The following SEMA3D variants were observed in gnomAD, a reference collection of about 807,000 sequenced individuals.
SEMA3D encodes semaphorin-3D.
A neutral mutation model predicts 100.1 loss-of-function variants in SEMA3D; 84 were observed. The observed-to-expected ratio is 0.84, with a 90% CI of 0.70 to 1.01. SEMA3D has a LOEUF of 1.01. Ranked by LOEUF, SEMA3D falls within the 50% of genes least tolerant of loss-of-function variation. SEMA3D has a pLI of 0.00. For missense variants in SEMA3D, 875 were observed against 934.1 expected (o/e 0.94, Z 0.82); for synonymous variants, 312 against 320.7 (o/e 0.97, Z 0.29).
chr7:85,245,779 C>T, the SEMA3D span, among the ~76,000 whole-genome samples: 2 of 152,004 alleles, frequency 1.3e-5, no homozygotes, highest in South Asian at 4.1e-4. Flanking sequence ...CTCATTATAT[C>T]TTCTCTTAGT....
chr7:85,097,716 T>C (rs1304183727), intron 4 of SEMA3D, 89 bp downstream of exon 4: 13 of 741,958 alleles, frequency 1.8e-5, no homozygotes, highest in Middle Eastern at 4.0e-4. Context: ...TTTGACACTG[T>C]GTCCCTTAAA....
chr7:85,005,686 T>C (rs965090070), intron 18 of SEMA3D, among the ~76,000 whole-genome samples: 1 of 151,970 alleles, frequency 6.6e-6, no homozygotes, highest in Admixed American at 6.6e-5. Context: ...AGATTTTTCT[T>C]TTACTGTGAG....
the SEMA3D span, among the ~76,000 whole-genome samples, chr7:85,230,386 T>C: frequency 1.3e-5 from 2 of 152,216 alleles, no homozygotes; most frequent in Non-Finnish European, 1.5e-5. Flanking sequence ...AGCTGCACTT[T>C]GGATTCAGTG....
chr7:85,056,096 G>A (rs892211091), intron 8 of SEMA3D, among the ~76,000 whole-genome samples: 2 of 152,016 alleles, frequency 1.3e-5, no homozygotes, highest in Non-Finnish European at 2.9e-5. Context: ...GTGAGAACAT[G>A]ACTAGACTAA....
chr7:85,055,678 ATATATATG>A, intron 9 of SEMA3D, 31 bp downstream of exon 9: 1 of 228,268 alleles, frequency 4.4e-6, no homozygotes. Context: ...ATATATATAT[ATATATATG>A]TTTTAAGTAA....
At chr7:85,073,932 G>T (rs1363871277) in intron 5 of SEMA3D, among the ~76,000 whole-genome samples, 1 of 152,068 alleles carries the variant, frequency 6.6e-6, no homozygotes, top group Non-Finnish European at 1.5e-5. Context: ...ATTATCTTTA[G>T]AACTTAATTA....
At chr7:85,027,401 A>G (rs181158881) in intron 12 of SEMA3D, among the ~76,000 whole-genome samples, 3 of 151,998 alleles carry the variant, frequency 2.0e-5, no homozygotes, top group Non-Finnish European at 4.4e-5. Context: ...AATTTTTAGC[A>G]TTTGCCATTG....
chr7:85,033,985 C>G (rs1790621389), intron 12 of SEMA3D, among the ~76,000 whole-genome samples: 1 of 151,720 alleles, frequency 6.6e-6, no homozygotes, highest in South Asian at 2.1e-4. Context: ...ATTGTAAGAA[C>G]AATGACCTTG....
At chr7:85,179,556 A>G (rs868069109) in intron 1 of SEMA3D, among the ~76,000 whole-genome samples, 5 of 152,206 alleles carry the variant, frequency 3.3e-5, no homozygotes, top group Middle Eastern at 3.4e-3. Flanking sequence ...CATTTCCCCA[A>G]TGCCTGTACC....
At chr7:85,022,673 T>C (rs1790289141) in intron 12 of SEMA3D, 60 bp from the exon 13 acceptor site, 15 of 1,060,574 alleles carry the variant, frequency 1.4e-5, no homozygotes, top group Admixed American at 1.2e-4. Flanking sequence ...AGTTCACACT[T>C]ATTTCCAATA....
intron 2 of SEMA3D, among the ~76,000 whole-genome samples, chr7:85,136,834 C>T (rs1405344914): frequency 1.3e-5 from 2 of 152,022 alleles, no homozygotes; most frequent in Non-Finnish European, 2.9e-5. Flanking sequence ...GGAACATGAA[C>T]AGGGATCCAC....
chr7:85,203,993 TG>T, the SEMA3D span, among the ~76,000 whole-genome samples: 1 of 152,114 alleles, frequency 6.6e-6, no homozygotes, highest in East Asian at 1.9e-4. Flanking sequence ...ACCCATGGAA[TG>T]AGGGGAAGAT....
At chr7:85,088,388 T>C (rs139378710) in intron 4 of SEMA3D, among the ~76,000 whole-genome samples, 171 of 152,230 alleles carry the variant, frequency 1.1e-3, no homozygotes, top group African/African-American at 3.5e-3. Flanking sequence ...TTCAGAGATG[T>C]CAAAACAACT....
At chr7:85,102,996 C>T (rs891137962) in intron 3 of SEMA3D, among the ~76,000 whole-genome samples, 1 of 152,042 alleles carries the variant, frequency 6.6e-6, no homozygotes. Flanking sequence ...AACGATTAAA[C>T]ATCCTTCAAC....
rs550269225 is a variant in SEMA3D, at chr7:85,128,758, G to A, written c.-40-6827C>T. Among the ~76,000 whole-genome samples the A allele has an allele frequency of 2.6e-5, 4 of 151,372 alleles. No individual in the cohort carries two copies. The East Asian group carries it at 7.8e-4, about 29-fold the overall frequency. On this transcript the variant is annotated intron_variant, in intron 2 of 18. Transcript: ENST00000284136. ...TTGATTATTCATAATAAAATGTACA[G>A]AATATTCTATTTTATAACCAAGTTA...
the SEMA3D span, among the ~76,000 whole-genome samples, chr7:85,203,212 G>T: frequency 1.3e-5 from 2 of 152,152 alleles, no homozygotes; most frequent in African/African-American, 4.8e-5. Context: ...AAGAGTGTGG[G>T]TGTGGTAGTC....
chr7:85,122,669 C>T (rs1312163009), intron 2 of SEMA3D, among the ~76,000 whole-genome samples: 1 of 152,094 alleles, frequency 6.6e-6, no homozygotes, highest in Non-Finnish European at 1.5e-5. Context: ...AGTTTAGAGA[C>T]ATCTAAAAAT....
In SEMA3D at chr7:84,997,413, G is replaced by A. The variant is rs968292142; in HGVS notation, c.*2027C>T. The A allele has an allele frequency of 3.3e-5, 5 of 151,936 alleles. No homozygotes were observed. The highest frequency in any genetic ancestry group is 5.9e-5 in the Non-Finnish European group (4 of 67,930). The allele number at this position is 151,936 out of a possible 1,614,324, so 9.4% of individuals were successfully genotyped here. A position where few individuals can be genotyped will look rare whatever the true frequency, so the allele number is the denominator to read the frequency against. On this transcript the variant is annotated 3_prime_UTR_variant, in exon 19 of 19. Coordinates refer to ENST00000284136, the MANE Select transcript of SEMA3D (RefSeq NM_001384900.1). ...CTATAATTACAAACACTGTTGTTAC[G>A]CTATTCAATTAGAAGTCTGATCATG... is the stretch of plus-strand genomic sequence containing the variant.
the SEMA3D span, among the ~76,000 whole-genome samples, chr7:85,222,713 C>T: frequency 6.6e-6 from 1 of 152,052 alleles, no homozygotes. Flanking sequence ...CTATACTGTA[C>T]TAGGAGTTCA....
Sources: gnomAD v4.1 joint callset for allele counts (sites outside exome capture counted in the v4.1 genomes callset) on GRCh38, gnomAD v4.1.1 for gene constraint, MANE v1.5 for transcripts, NCBI Gene and HGNC (gene_info 2026-07-23, HGNC 2026-07-21) for gene names.